The following VSIG10 variants were observed in gnomAD, a reference collection of about 807,000 sequenced individuals.
VSIG10 encodes V-set and immunoglobulin domain containing 10.
VSIG10 carries 48 observed loss-of-function variants against 58.7 expected under a neutral mutation model. The ratio of observed to expected loss-of-function variants is 0.82; its 90% CI spans 0.65 to 1.04. The LOEUF (loss-of-function observed/expected upper bound fraction) is 1.04. VSIG10 is among the 50% of genes least tolerant of loss of function. The probability of loss-of-function intolerance (pLI) is 0.00; values close to 1 mark genes in which losing one functional copy is unlikely to be tolerated. For missense variants in VSIG10, 628 were observed against 670.0 expected (o/e 0.94, Z 0.69); for synonymous variants, 260 against 267.1 (o/e 0.97, Z 0.26).
At chr12:118,098,954 A>G (rs1015766815) in intron 1 of VSIG10, among the ~76,000 whole-genome samples, 13 of 149,788 alleles carry the variant, frequency 8.7e-5, no homozygotes, top group Non-Finnish European at 1.5e-4. Context: ...TGTCCTGGAC[A>G]GTCTTGAACT....
chr12:118,081,067 C>G (rs1380321369), intron 3 of VSIG10, among the ~76,000 whole-genome samples: 1 of 151,792 alleles, frequency 6.6e-6, no homozygotes, highest in South Asian at 2.1e-4. Flanking sequence ...GTGGGGAGAC[C>G]CTGTCTCTAC....
At chr12:118,076,277 C>G (rs918329998) in intron 4 of VSIG10, among the ~76,000 whole-genome samples, 6 of 151,896 alleles carry the variant, frequency 4.0e-5, no homozygotes, top group African/African-American at 1.2e-4. Flanking sequence ...CAACCTGCAG[C>G]TGCGGGCTAA....
intron 2 of VSIG10, among the ~76,000 whole-genome samples, chr12:118,088,055 C>T (rs2033181956): frequency 6.6e-6 from 1 of 151,746 alleles, no homozygotes; most frequent in Non-Finnish European, 1.5e-5. Flanking sequence ...ACCAGCCTGG[C>T]CAACATGGTG....
chr12:118,080,991 A>G (rs1179370311), intron 3 of VSIG10, among the ~76,000 whole-genome samples: 1 of 152,150 alleles, frequency 6.6e-6, no homozygotes. Flanking sequence ...CTGTAATCCC[A>G]GTACTTTAGG....
chr12:118,080,280 G>A (rs899525067), intron 3 of VSIG10, among the ~76,000 whole-genome samples: 2 of 151,062 alleles, frequency 1.3e-5, no homozygotes, highest in African/African-American at 4.9e-5. Context: ...GATTACAGAC[G>A]TGAGCTACCG....
At chr12:118,076,604 G>T (rs2032737382) in intron 4 of VSIG10, among the ~76,000 whole-genome samples, 1 of 151,504 alleles carries the variant, frequency 6.6e-6, no homozygotes, top group South Asian at 2.1e-4. Flanking sequence ...CTCCCAAAGT[G>T]CTGGGATTAC....
rs759648583 is a variant in VSIG10, at chr12:118,079,553, T to C, written c.718A>G (p.Met240Val). 1.9e-6 allele frequency: 3 copies of C among 1,613,880 alleles called. No individual in the cohort carries two copies. The highest frequency in any genetic ancestry group is 2.7e-5 in the African/African-American group (2 of 74,910). Residue 240 changes from methionine (M) to valine (V), a missense_variant, in exon 4 of 9, where the codon ATG becomes GTG. Met to Val is a conservative substitution (Grantham distance 21). Coordinates refer to ENST00000359236, the MANE Select transcript of VSIG10 (RefSeq NM_019086.6). ...CWAQMASGSF[M>V]LQLTCRWDGG... ...TCCCAGCGACAGGTAAGCTGCAACA[T>C]GAACGATCCTGATGCCATCTGTGCC...
At position 118,103,889 on chromosome 12, in the gene VSIG10, G is replaced by T. The variant is rs928811950; in HGVS notation, c.-218C>A. On this transcript the variant is annotated 5_prime_UTR_variant, in exon 1 of 9. Transcript: ENST00000359236. ...CAGGCTCGGGTCCCCGCTCCCGAGCGCCCTGGCCGGGGAGGGAGGGCGCAC... is the reference window on the plus strand; with the variant it reads ...CAGGCTCGGGTCCCCGCTCCCGAGCTCCCTGGCCGGGGAGGGAGGGCGCAC... 4.6e-6 allele frequency: 2 copies of T among 431,356 alleles called. No homozygotes were observed. The highest frequency in any genetic ancestry group is 8.1e-6 in the Non-Finnish European group (2 of 247,038). The allele number at this position is 431,356 out of a possible 1,614,324, so 26.7% of individuals were successfully genotyped here.
At chr12:118,089,999 T>C (rs924645685) in intron 2 of VSIG10, among the ~76,000 whole-genome samples, 1 of 151,838 alleles carries the variant, frequency 6.6e-6, no homozygotes, top group African/African-American at 2.4e-5. Flanking sequence ...GCTCCCGGAG[T>C]TTCTCCTGCA....
intron 2 of VSIG10, among the ~76,000 whole-genome samples, chr12:118,090,219 C>T (rs1200695282): frequency 4.6e-5 from 7 of 152,082 alleles, no homozygotes; most frequent in Non-Finnish European, 2.9e-5. Flanking sequence ...GCAGAAGAAT[C>T]GCTTGAACAC....
chr12:118,082,999 G>A (rs1260650213), intron 2 of VSIG10, among the ~76,000 whole-genome samples: 1 of 151,300 alleles, frequency 6.6e-6, no homozygotes, highest in Admixed American at 6.6e-5. Flanking sequence ...TGTAATCCCA[G>A]CTACTAGGGA....
chr12:118,069,391 C>T (rs1391567939), intron 7 of VSIG10, among the ~76,000 whole-genome samples: 8 of 150,948 alleles, frequency 5.3e-5, no homozygotes, highest in Non-Finnish European at 4.4e-5. Flanking sequence ...TTGTGCCCGG[C>T]CTGGACTGTG....
chr12:118,073,666 C>CGGG, intron 5 of VSIG10, 33 bp downstream of exon 5: 1 of 1,552,050 alleles, frequency 6.4e-7, no homozygotes, highest in Non-Finnish European at 8.8e-7. Context: ...AGCTCTGAAC[C>CGGG]CTCCCTCCTT....
rs2032159329 is a variant in VSIG10, at chr12:118,063,896, T to C, written c.*2743A>G. On this transcript the variant is annotated 3_prime_UTR_variant, in exon 9 of 9. Transcript: ENST00000359236. ...TGGGGCTTGTATGTGCTTGTGAGAA[T>C]TGGGGCTAATATCAAAGCCACAGAA... is the stretch of plus-strand genomic sequence containing the variant. 1 of 152,184 alleles carries C rather than the reference T, an allele frequency of 6.6e-6. No individual in the cohort carries two copies. Among genetic ancestry groups the C allele is most frequent in the Non-Finnish European group, 1.5e-5 (1 of 68,034 alleles). The allele number at this position is 152,184 out of a possible 1,614,324, so 9.4% of individuals were successfully genotyped here.
chr12:118,072,707 A>G (rs1332582445), intron 5 of VSIG10, among the ~76,000 whole-genome samples: 4 of 151,794 alleles, frequency 2.6e-5, no homozygotes, highest in Non-Finnish European at 4.4e-5. Context: ...AAAATAAAAT[A>G]AAAAGAAATA....
chr12:118,100,166 T>C (rs549790360), intron 1 of VSIG10, among the ~76,000 whole-genome samples: 1 of 151,960 alleles, frequency 6.6e-6, no homozygotes, highest in South Asian at 2.1e-4. Context: ...GGTCAGGAGT[T>C]GGAGACCAGC....
rs2032592617 is a variant in VSIG10 at position 118,073,724 on chromosome 12, C to G, written c.1194G>C (p.Glu398Asp). ...CTTTCACACTCAGCCAGATTTCCAT[C>G]TCCCTCACCCCTACAGGGCTGTCAG... is the stretch of plus-strand genomic sequence containing the variant. The part of the protein sequence containing the change: ...CRADSPVGVR[E>D]MEIWLSVKEP... Residue 398 changes from glutamate (E) to aspartate (D), a missense_variant, in exon 5 of 9, where the codon GAG becomes GAC. Transcript: ENST00000359236. The G allele has an allele frequency of 1.9e-6, 3 of 1,611,438 alleles. No homozygotes were observed. In the East Asian group the frequency reaches 6.7e-5, roughly 36 times the overall value.
chr12:118,082,227 C>G lies in VSIG10; in HGVS notation c.564G>C (p.Leu188=). Residue 188 remains leucine (L), a synonymous_variant, in exon 3 of 9, where the codon CTG becomes CTC. Coordinates refer to ENST00000359236, the MANE Select transcript of VSIG10 (RefSeq NM_019086.6). ...GHNLTVNFFS[L]LLISPNLQGN... ...CTTGGAGGTTTGGCGATATCAGTAACAGTGAGAAAAAGTTGACTGTCAGGT... is the reference window on the plus strand; with the variant it reads ...CTTGGAGGTTTGGCGATATCAGTAAGAGTGAGAAAAAGTTGACTGTCAGGT... 1 of 1,613,898 alleles carries G rather than the reference C, an allele frequency of 6.2e-7. No homozygotes were observed. The highest frequency in any genetic ancestry group is 8.5e-7 in the Non-Finnish European group (1 of 1,179,880).
At chr12:118,094,177 T>TCTC (rs2033379115) in intron 2 of VSIG10, among the ~76,000 whole-genome samples, 2 of 148,670 alleles carry the variant, frequency 1.3e-5, no homozygotes, top group Non-Finnish European at 1.5e-5. Flanking sequence ...GGTGCAATTA[T>TCTC]GGTGCACTGC....
Sources: gnomAD v4.1 joint callset for allele counts (sites outside exome capture counted in the v4.1 genomes callset) on GRCh38, gnomAD v4.1.1 for gene constraint, MANE v1.5 for transcripts, NCBI Gene and HGNC (gene_info 2026-07-23, HGNC 2026-07-21) for gene names.